SLCO1A2: variants seen among roughly 807,000 people sequenced by gnomAD.
The protein encoded by SLCO1A2 is solute carrier organic anion transporter family member 1A2.
Under a neutral mutation model 69.0 loss-of-function variants are expected in SLCO1A2, and 67 were observed. The observed-to-expected ratio is 0.97, with a 90% CI of 0.80 to 1.19. The LOEUF (loss-of-function observed/expected upper bound fraction) is 1.19, where lower values mean the gene tolerates loss of function less well. Ranked by LOEUF, SLCO1A2 falls within the 50% of genes most tolerant of loss-of-function variation. SLCO1A2 has a pLI of 0.00. For synonymous variants in SLCO1A2, 260 were observed against 265.9 expected (o/e 0.98, Z 0.22); for missense variants, 787 against 793.7 (o/e 0.99, Z 0.10).
At chr12:21,361,251 G>A (rs146643669) in intron 2 of SLCO1A2, among the ~76,000 whole-genome samples, 113 of 152,312 alleles carry the variant, frequency 7.4e-4, no homozygotes, top group African/African-American at 2.5e-3. Context: ...TTCAGCCTCC[G>A]CTGGTGATAC....
intron 12 of SLCO1A2, among the ~76,000 whole-genome samples, chr12:21,283,391 A>G (rs1276909680): frequency 1.3e-5 from 2 of 152,146 alleles, no homozygotes; most frequent in East Asian, 1.9e-4. Flanking sequence ...AACTAGACCC[A>G]TATTTCTTGC....
chr12:21,385,058 C>G (rs1485898010), intron 1 of SLCO1A2, among the ~76,000 whole-genome samples: 3 of 152,242 alleles, frequency 2.0e-5, no homozygotes, highest in Non-Finnish European at 2.9e-5. Flanking sequence ...AACCACTTCG[C>G]CCGGCCAGAT....
chr12:21,401,483 G>T (rs150361724), intron 1 of SLCO1A2, among the ~76,000 whole-genome samples: 1,744 of 151,670 alleles, frequency 0.011, 36 homozygotes, highest in African/African-American at 0.04. Flanking sequence ...ATGCTTACTG[G>T]ACCAAAAAAC....
At chr12:21,347,052 T>C (rs2061825) in intron 2 of SLCO1A2, among the ~76,000 whole-genome samples, 148,883 of 152,238 alleles carry the variant, frequency 0.98, 72,880 homozygotes, top group Middle Eastern at 1. Flanking sequence ...TTTTAACATA[T>C]AGAGGAGTCA....
chr12:21,343,243 T>A (rs1395931826), intron 2 of SLCO1A2, among the ~76,000 whole-genome samples: 1 of 152,116 alleles, frequency 6.6e-6, no homozygotes, highest in Non-Finnish European at 1.5e-5. Flanking sequence ...CTCTGACATC[T>A]CCTTAGAACA....
At chr12:21,402,547 T>A (rs1364847525) in intron 1 of SLCO1A2, among the ~76,000 whole-genome samples, 2 of 152,118 alleles carry the variant, frequency 1.3e-5, no homozygotes, top group East Asian at 1.9e-4. Flanking sequence ...GGAGAAGTGA[T>A]GGGATTGCAT....
chr12:21,398,958 C>A (rs1941585396), upstream of SLCO1A2, among the ~76,000 whole-genome samples: 1 of 150,670 alleles, frequency 6.6e-6, no homozygotes, highest in Non-Finnish European at 1.5e-5. Context: ...CCTTTGAAAA[C>A]TGGCACAAGA....
intron 9 of SLCO1A2, 46 bp downstream of exon 9, chr12:21,297,358 C>T (rs757848141): frequency 5.9e-6 from 9 of 1,528,964 alleles, no homozygotes; most frequent in Non-Finnish European, 6.3e-6. Flanking sequence ...TCACACTGTT[C>T]GTGGGGGGGA....
intron 4 of SLCO1A2, among the ~76,000 whole-genome samples, chr12:21,309,969 T>C (rs917417071): frequency 5.3e-5 from 8 of 152,204 alleles, no homozygotes; most frequent in African/African-American, 9.7e-5. Flanking sequence ...GTGGAGAATT[T>C]GGTGATGAAT....
Position 21,268,522 on chromosome 12 carries a change from CTA to C in SLCO1A2, c.*1024_*1025del, listed in dbSNP as rs1415880676. 6.6e-6 allele frequency: 1 copy of C among 152,032 alleles called. No individual in the cohort carries two copies. The highest frequency in any genetic ancestry group is 1.5e-5 in the Non-Finnish European group (1 of 67,970). 9.4% of individuals were successfully genotyped at this position (152,032 alleles called of 1,614,324 possible). A position where few individuals can be genotyped will look rare whatever the true frequency, so the allele number is the denominator to read the frequency against. On this transcript the variant is annotated 3_prime_UTR_variant, in exon 15 of 15. Coordinates refer to ENST00000683939, the MANE Select transcript of SLCO1A2 (RefSeq NM_001386879.1). The stretch of plus-strand genomic sequence containing the variant: ...CCTATATTAATCAATAAGTCCTCTT[CTA>C]TGTCTAAAATCCTTCAATTTTTAAT...
At position 21,330,607 on chromosome 12, in the gene SLCO1A2, C is replaced by G. The variant is rs543323315; in HGVS notation, c.60+3981G>C. ...TTCTCAAAAGAGAAAAAAACTGAAG[C>G]AGTAGGGCACAGGTTCTGAGATATC... On this transcript the variant is annotated intron_variant, in intron 2 of 14. Transcript: ENST00000683939. 5.9e-5 allele frequency among the ~76,000 whole-genome samples: 9 copies of G among 152,020 alleles called. No individual in the cohort carries two copies. In the South Asian group the frequency reaches 1.5e-3, roughly 25 times the overall value.
intron 12 of SLCO1A2, among the ~76,000 whole-genome samples, chr12:21,281,313 G>T (rs554541209): frequency 2.0e-5 from 3 of 152,012 alleles, no homozygotes; most frequent in Admixed American, 2.0e-4. Context: ...AGCTGGGTGT[G>T]GTGGTGTGAG....
In SLCO1A2 at chr12:21,364,937, G is replaced by A. The variant is rs994959521; in HGVS notation, c.-63+9462C>T. ...GAAGAACATTTCATGCTCGTGGATA[G>A]GAAGAATCAATGTTGTGAAAATGGC... On this transcript the variant is annotated intron_variant, in intron 2 of 15. Coordinates refer to the SLCO1A2 transcript ENST00000307378. Among the ~76,000 whole-genome samples the A allele has an allele frequency of 1.3e-5, 2 of 152,184 alleles. 1 individual carries two copies. Among genetic ancestry groups the A allele is most frequent in the Non-Finnish European group, 2.9e-5 (2 of 68,028 alleles).
At chr12:21,312,056 A>G (rs796188219) in intron 4 of SLCO1A2, among the ~76,000 whole-genome samples, 9 of 132,788 alleles carry the variant, frequency 6.8e-5, no homozygotes, top group African/African-American at 3.3e-4. Flanking sequence ...GAAGAGGAGG[A>G]GAAGAAGAAG....
At chr12:21,287,962 G>T (rs1473172373) in intron 12 of SLCO1A2, among the ~76,000 whole-genome samples, 2 of 132,590 alleles carry the variant, frequency 1.5e-5, no homozygotes, top group Non-Finnish European at 3.1e-5. Context: ...GTATACATAT[G>T]TAACTAACCT....
At chr12:21,344,740 TAAC>T (rs1009670349) in intron 2 of SLCO1A2, among the ~76,000 whole-genome samples, 1 of 152,060 alleles carries the variant, frequency 6.6e-6, no homozygotes, top group Non-Finnish European at 1.5e-5. Context: ...TATTCAATGT[TAAC>T]AATGCATTTG....
At chr12:21,321,127 C>G (rs1005798423) in intron 2 of SLCO1A2, among the ~76,000 whole-genome samples, 1 of 152,178 alleles carries the variant, frequency 6.6e-6, no homozygotes, top group South Asian at 2.1e-4. Flanking sequence ...CATCTTACTT[C>G]GTGACTCTCA....
intron 12 of SLCO1A2, among the ~76,000 whole-genome samples, chr12:21,286,216 C>G: frequency 7.2e-6 from 1 of 138,136 alleles, no homozygotes; most frequent in African/African-American, 2.7e-5. Context: ...ACACCAACAA[C>G]AGACAAACAG....
At chr12:21,290,442 G>C (rs1946664708) in intron 12 of SLCO1A2, among the ~76,000 whole-genome samples, 1 of 152,140 alleles carries the variant, frequency 6.6e-6, no homozygotes, top group Non-Finnish European at 1.5e-5. Context: ...ATTAAATCAA[G>C]GTGACGCTGG....
Sources: allele counts gnomAD v4.1 joint callset (sites outside exome capture counted in the v4.1 genomes callset), GRCh38; gene constraint gnomAD v4.1.1; transcripts MANE v1.5; gene names NCBI Gene and HGNC (gene_info 2026-07-23, HGNC 2026-07-21).